Variants in FAM83A observed in about 807,000 individuals in gnomAD.
FAM83A encodes the protein protein FAM83A.
In FAM83A, 21 loss-of-function variants were observed where a neutral mutation model predicts 24.4. The ratio of observed to expected loss-of-function variants is 0.86; its 90% CI spans 0.61 to 1.24. The LOEUF is 1.24. Ranked by LOEUF, FAM83A falls within the 50% of genes most tolerant of loss-of-function variation. The pLI is 0.00. For missense variants in FAM83A, 617 were observed against 579.8 expected (o/e 1.06, Z -0.66); for synonymous variants, 270 against 252.4 (o/e 1.07, Z -0.66).
At position 123,188,735 on chromosome 8, in the gene FAM83A, G is replaced by A. The variant is rs142380070; in HGVS notation, c.481-3068G>A. 3.8e-3 allele frequency among the ~76,000 whole-genome samples: 573 copies of A among 152,204 alleles called. 4 individuals are homozygous for A. Among genetic ancestry groups the A allele is most frequent in the African/African-American group, 0.013 (550 of 41,548 alleles). On this transcript the variant is annotated intron_variant, in intron 1 of 3. Coordinates refer to ENST00000690554, the Ensembl canonical transcript of FAM83A. ...TGGCCTCAAGCAATACACCAGCCTCGGCCTCCCAAAGCGCTGGGATTATAG... is the reference window on the plus strand; with the variant it reads ...TGGCCTCAAGCAATACACCAGCCTCAGCCTCCCAAAGCGCTGGGATTATAG...
At chr8:123,207,422 C>G in exon 4 of FAM83A, 1 of 1,609,888 alleles carries the variant, frequency 6.2e-7, no homozygotes, top group African/African-American at 1.3e-5. Context: ...CCCCGGTACC[C>G]GAAGTGTGTC....
Position 123,183,341 on chromosome 8 carries a change from C to T in FAM83A, c.480+5C>T, listed in dbSNP as rs760897184. 12 of 1,604,684 alleles carry T rather than the reference C, an allele frequency of 7.5e-6. No individual in the cohort carries two copies. The highest frequency in any genetic ancestry group is 1.1e-5 in the South Asian group (1 of 90,002). ...TGCATCACCCGGACTAGCCAGGTAC[C>T]GATGGCAAAGCCCCTGTCTCCGTGG... On this transcript the variant is annotated splice_donor_5th_base_variant and intron_variant, in intron 1 of 3. Transcript: ENST00000690554.
upstream of FAM83A, chr8:123,182,432 A>G (rs1220297400): frequency 2.6e-6 from 1 of 387,162 alleles, no homozygotes; most frequent in Non-Finnish European, 5.2e-6. Context: ...CTTCAGGCCC[A>G]TCCTCCAGCT....
At chr8:123,191,539 C>G (rs1823974176) in intron 1 of FAM83A, among the ~76,000 whole-genome samples, 1 of 152,206 alleles carries the variant, frequency 6.6e-6, no homozygotes, top group African/African-American at 2.4e-5. Flanking sequence ...TCTGCACTCC[C>G]CACTCCCACA....
chr8:123,198,773 G>A (rs79085160), intron 3 of FAM83A, among the ~76,000 whole-genome samples: 1 of 151,856 alleles, frequency 6.6e-6, no homozygotes, highest in East Asian at 1.9e-4. Context: ...TTTTTGAGAC[G>A]CTCTTTTGCC....
rs764383839 is a variant in FAM83A, at chr8:123,209,531, G to A, written c.*1843G>A. 1.7e-5 allele frequency: 27 copies of A among 1,614,050 alleles called. No individual in the cohort carries two copies. Among genetic ancestry groups the A allele is most frequent in the Non-Finnish European group, 2.2e-5 (26 of 1,180,044 alleles). On this transcript the variant is annotated 3_prime_UTR_variant, in exon 4 of 4. Transcript: ENST00000690554. The surrounding 1 kb of genome is among the most constrained non-coding windows in gnomAD (Gnocchi z 4.7). ...TGACCTTGTTGTTTCACAGCTGACG[G>A]CTGAGATGAGGTTAGAATGACTGGG...
intron 3 of FAM83A, among the ~76,000 whole-genome samples, chr8:123,197,017 C>T (rs1824179264): frequency 6.6e-6 from 1 of 152,338 alleles, no homozygotes; most frequent in Admixed American, 6.5e-5. Flanking sequence ...ACCATCACCC[C>T]TGGTCCAACC....
chr8:123,207,694 C>G, exon 4 of FAM83A: 1 of 1,473,892 alleles, frequency 6.8e-7, no homozygotes, highest in Non-Finnish European at 9.0e-7. Context: ...TCTGAAGGTC[C>G]CATCCCCTGC....
exon 1 of FAM83A, chr8:123,183,297 C>T (rs1563778627): frequency 1.9e-6 from 3 of 1,613,006 alleles, no homozygotes; most frequent in Non-Finnish European, 1.7e-6. Context: ...ACAACAACAT[C>T]AGAGACCTCG....
At chr8:123,194,992 G>C (rs1032334317) in intron 3 of FAM83A, among the ~76,000 whole-genome samples, 2 of 152,084 alleles carry the variant, frequency 1.3e-5, no homozygotes, top group Non-Finnish European at 2.9e-5. Context: ...CTTGACTTCA[G>C]AGCTTAAAAG....
Position 123,209,445 on chromosome 8 carries a change from CAAAACA to C in FAM83A, c.*1768_*1773del. On this transcript the variant is annotated 3_prime_UTR_variant, in exon 4 of 4. Transcript: ENST00000690554. The surrounding 1 kb of genome is among the most constrained non-coding windows in gnomAD (Gnocchi z 4.7). ...CCTTAGTTCCTGAAAGTAAACAAAA[CAAAACA>C]AAAACAAAAAAACAAACAACACTTT... is the stretch of plus-strand genomic sequence containing the variant. The C allele has an allele frequency of 6.2e-7, 1 of 1,613,978 alleles. No individual in the cohort carries two copies. The highest frequency in any genetic ancestry group is 8.5e-7 in the Non-Finnish European group (1 of 1,179,982).
At chr8:123,195,573 C>T (rs1824120190) in intron 3 of FAM83A, among the ~76,000 whole-genome samples, 1 of 152,200 alleles carries the variant, frequency 6.6e-6, no homozygotes, top group African/African-American at 2.4e-5. Context: ...AATAAAATCC[C>T]ATAGACTGGG....
intron 3 of FAM83A, among the ~76,000 whole-genome samples, 157 bp downstream of exon 3, chr8:123,194,305 G>A (rs1302744641): frequency 6.6e-6 from 1 of 152,220 alleles, no homozygotes; most frequent in Non-Finnish European, 1.5e-5. Context: ...GATGGGGTGA[G>A]AGGCAAGAAA....
chr8:123,182,129 T>A (rs1823612501), upstream of FAM83A: 1 of 456,076 alleles, frequency 2.2e-6, no homozygotes. Flanking sequence ...AGCGTTGGCC[T>A]GAGAACTGGA....
chr8:123,186,729 C>A (rs994115407), intron 1 of FAM83A, among the ~76,000 whole-genome samples: 2 of 152,150 alleles, frequency 1.3e-5, no homozygotes, highest in African/African-American at 4.8e-5. Flanking sequence ...ACTCAGGAGA[C>A]TGAATCAGGA....
intron 2 of FAM83A, among the ~76,000 whole-genome samples, chr8:123,192,450 G>A (rs1824012749): frequency 6.6e-6 from 1 of 152,186 alleles, no homozygotes. Context: ...GTCCCAACAA[G>A]ACATTGATCC....
At chr8:123,204,428 T>C (rs973861172) in intron 3 of FAM83A, among the ~76,000 whole-genome samples, 1 of 152,076 alleles carries the variant, frequency 6.6e-6, no homozygotes, top group Non-Finnish European at 1.5e-5. Context: ...CAAAGATGAT[T>C]AAGTGAATGC....
exon 4 of FAM83A, chr8:123,208,733 T>C: frequency 1.0e-6 from 1 of 985,528 alleles, no homozygotes; most frequent in African/African-American, 1.7e-5. Context: ...TGGTGGCTCA[T>C]GCCTGTAATC....
chr8:123,199,532 C>T (rs530814713), intron 3 of FAM83A, among the ~76,000 whole-genome samples: 2 of 152,060 alleles, frequency 1.3e-5, no homozygotes, highest in East Asian at 1.9e-4. Context: ...GTCAGGAGTT[C>T]GAGACCAGCC....
Sources: allele counts gnomAD v4.1 joint callset (sites outside exome capture counted in the v4.1 genomes callset), GRCh38; gene constraint gnomAD v4.1.1; non-coding constraint Gnocchi (gnomAD v3.1); transcripts MANE v1.5; gene names NCBI Gene and HGNC (gene_info 2026-07-23, HGNC 2026-07-21).